The following ZDHHC14 variants were observed in gnomAD, a reference collection of about 807,000 sequenced individuals.
The protein encoded by ZDHHC14 is palmitoyltransferase ZDHHC14.
In ZDHHC14, 16 loss-of-function variants were observed where a neutral mutation model predicts 47.7. That is an observed-to-expected ratio of 0.34 (90% CI 0.23 to 0.51). ZDHHC14 has a LOEUF of 0.51. Ranked by LOEUF, ZDHHC14 falls within the 20% of genes least tolerant of loss-of-function variation. ZDHHC14 has a pLI of 0.97. For synonymous variants in ZDHHC14, 293 were observed against 278.9 expected (o/e 1.05, Z -0.50); for missense variants, 515 against 662.5 (o/e 0.78, Z 2.44).
chr6:157,425,698 G>A (rs1385394939), intron 1 of ZDHHC14, among the ~76,000 whole-genome samples: 2 of 152,168 alleles, frequency 1.3e-5, no homozygotes, highest in African/African-American at 4.8e-5. Flanking sequence ...GTGTTCTGAA[G>A]TAGAAACTAA....
chr6:157,592,443 G>A (rs1783945336), intron 2 of ZDHHC14, among the ~76,000 whole-genome samples: 1 of 152,166 alleles, frequency 6.6e-6, no homozygotes, highest in Non-Finnish European at 1.5e-5. Context: ...CAAAGTGAAG[G>A]GACCCTGGAG....
chr6:157,387,860 A>G (rs1777348360), intron 1 of ZDHHC14, among the ~76,000 whole-genome samples: 1 of 152,214 alleles, frequency 6.6e-6, no homozygotes, highest in African/African-American at 2.4e-5. Flanking sequence ...ACTTTGGAAA[A>G]TACCTTTCTT....
intron 1 of ZDHHC14, among the ~76,000 whole-genome samples, chr6:157,424,120 A>G (rs1196320482): frequency 6.6e-6 from 1 of 152,190 alleles, no homozygotes; most frequent in Non-Finnish European, 1.5e-5. Flanking sequence ...CAAACAACAC[A>G]TTCACTGAAA....
intron 2 of ZDHHC14, among the ~76,000 whole-genome samples, chr6:157,572,954 G>T (rs1053369122): frequency 2.0e-5 from 3 of 151,916 alleles, no homozygotes; most frequent in Non-Finnish European, 4.4e-5. Flanking sequence ...TGGGGCTAGA[G>T]GGCCTATTTA....
intron 3 of ZDHHC14, among the ~76,000 whole-genome samples, chr6:157,607,631 G>C (rs1354719053): frequency 1.3e-5 from 2 of 152,162 alleles, no homozygotes; most frequent in Non-Finnish European, 2.9e-5. Flanking sequence ...GTCTGTGCAG[G>C]TGCCCTCTGC....
rs117977140 is a variant in ZDHHC14 at position 157,669,693 on chromosome 6, A to G, written c.1069-3031A>G. Among the ~76,000 whole-genome samples the G allele has an allele frequency of 3.6e-3, 546 of 152,366 alleles. 1 individual carries two copies. The highest frequency in any genetic ancestry group is 6.0e-3 in the Non-Finnish European group (410 of 68,034). On this transcript the variant is annotated intron_variant, in intron 8 of 8. Coordinates refer to ENST00000359775, the MANE Select transcript of ZDHHC14 (RefSeq NM_024630.3). Reference sequence around the variant, plus strand: ...TCCTTGTTCCTTAGAGCCAGGGGGTATTGTGTGGACAGAAAGCATTAGGAT... The same window carrying G: ...TCCTTGTTCCTTAGAGCCAGGGGGTGTTGTGTGGACAGAAAGCATTAGGAT...
At chr6:157,441,730 C>T (rs1009471641) in intron 1 of ZDHHC14, among the ~76,000 whole-genome samples, 1 of 152,052 alleles carries the variant, frequency 6.6e-6, no homozygotes, top group Non-Finnish European at 1.5e-5. Context: ...CCCAGCTACT[C>T]GGGAGGCTGA....
chr6:157,643,650 A>AATATATATATATATATATAT lies in ZDHHC14; in HGVS notation c.753-2080_753-2061dup, dbSNP rs3056787. Among the ~76,000 whole-genome samples, 277 of 72,416 alleles carry AATATATATATATATATATAT rather than the reference A, an allele frequency of 3.8e-3. 13 individuals carry two copies. The highest frequency in any genetic ancestry group is 5.5e-3 in the Admixed American group (31 of 5,686). The allele number at this position is 72,416 out of a possible 152,430, so 47.5% of individuals were successfully genotyped here. ...GCAACAAAAGCAAAACTTCATCTCA[A>AATATATATATATATATATAT]ATATATATATATATATATATATATA... On this transcript the variant is annotated intron_variant, in intron 5 of 8. Coordinates refer to ENST00000359775, the MANE Select transcript of ZDHHC14 (RefSeq NM_024630.3).
At position 157,673,957 on chromosome 6, in the gene ZDHHC14, T is replaced by C. The variant is rs1333780065; in HGVS notation, c.*835T>C. On this transcript the variant is annotated 3_prime_UTR_variant, in exon 9 of 9. Transcript: ENST00000359775. This position sits in a 1 kb window ranked among gnomAD's most constrained non-coding sequence, Gnocchi z 5.4. ...TCTGTTATTTTGGATCTGCGTACGG[T>C]TATCCTTAATAGCATAAATGAAAAC... 2 of 152,718 alleles carry C rather than the reference T, an allele frequency of 1.3e-5. No homozygotes were observed. The highest frequency in any genetic ancestry group is 6.5e-5 in the Admixed American group (1 of 15,298). 9.5% of individuals were successfully genotyped at this position (152,718 alleles called of 1,614,324 possible).
intron 1 of ZDHHC14, among the ~76,000 whole-genome samples, chr6:157,431,780 A>G (rs893108828): frequency 6.7e-6 from 1 of 150,064 alleles, no homozygotes; most frequent in Non-Finnish European, 1.5e-5. Context: ...CTCAGGCTAG[A>G]GTGCGGTGTC....
At chr6:157,619,716 T>G (rs1010167631) in intron 3 of ZDHHC14, among the ~76,000 whole-genome samples, 2 of 63,854 alleles carry the variant, frequency 3.1e-5, no homozygotes, top group South Asian at 9.0e-4. Context: ...TAGGGTTTGT[T>G]TTTTTTTTTT....
intron 1 of ZDHHC14, among the ~76,000 whole-genome samples, chr6:157,448,240 T>A (rs1778726363): frequency 6.6e-6 from 1 of 152,144 alleles, no homozygotes; most frequent in African/African-American, 2.4e-5. Flanking sequence ...TTCAAGTAAC[T>A]GAAAGGATGT....
intron 5 of ZDHHC14, 71 bp downstream of exon 5, chr6:157,632,953 A>T: frequency 6.7e-7 from 1 of 1,500,572 alleles, no homozygotes; most frequent in South Asian, 1.1e-5. Context: ...CTGTGCGCAC[A>T]CCTCCTCATC....
At chr6:157,636,267 C>G (rs970196198) in intron 5 of ZDHHC14, among the ~76,000 whole-genome samples, 2 of 151,798 alleles carry the variant, frequency 1.3e-5, no homozygotes, top group African/African-American at 4.8e-5. Flanking sequence ...TTTAAGCCCT[C>G]ATATATACAT....
At chr6:157,436,274 A>G (rs1420716228) in intron 1 of ZDHHC14, among the ~76,000 whole-genome samples, 1 of 152,138 alleles carries the variant, frequency 6.6e-6, no homozygotes, top group East Asian at 1.9e-4. Flanking sequence ...GCAAATGGAG[A>G]TACGAGGTTG....
intron 1 of ZDHHC14, among the ~76,000 whole-genome samples, chr6:157,541,223 C>T (rs1208484100): frequency 1.3e-5 from 2 of 152,116 alleles, no homozygotes; most frequent in East Asian, 1.9e-4. Flanking sequence ...TGCACAGCCA[C>T]AGTCCACATT....
Position 157,655,498 on chromosome 6 carries a change from G to T in ZDHHC14, c.1068+1871G>T, listed in dbSNP as rs772967699. On this transcript the variant is annotated intron_variant, in intron 8 of 8. Coordinates refer to ENST00000359775, the MANE Select transcript of ZDHHC14 (RefSeq NM_024630.3). ...TGCTCAGAGGCTTTCTGCACCATTC[G>T]CAGGTGCACAAGAAGTGCCCTGTAA... Among the ~76,000 whole-genome samples, 10 of 152,318 alleles carry T rather than the reference G, an allele frequency of 6.6e-5. No individual in the cohort carries two copies. The East Asian group carries it at 1.3e-3, about 21-fold the overall frequency.
chr6:157,655,622 T>C (rs1778051245), intron 8 of ZDHHC14, among the ~76,000 whole-genome samples: 1 of 152,220 alleles, frequency 6.6e-6, no homozygotes. Flanking sequence ...AATCAGCCAC[T>C]CTACCTGGGT....
chr6:157,530,080 G>C (rs1018565186), intron 1 of ZDHHC14, among the ~76,000 whole-genome samples: 16 of 152,282 alleles, frequency 1.1e-4, no homozygotes, highest in African/African-American at 3.9e-4. Context: ...TCAAAAAAAT[G>C]TGAATTTTCA....
Sources: gnomAD v4.1 joint callset for allele counts (sites outside exome capture counted in the v4.1 genomes callset) on GRCh38, gnomAD v4.1.1 for gene constraint, Gnocchi (gnomAD v3.1) non-coding constraint, MANE v1.5 for transcripts, NCBI Gene and HGNC (gene_info 2026-07-23, HGNC 2026-07-21) for gene names.